The following CRTC3 variants were observed in gnomAD, a reference collection of about 807,000 sequenced individuals.
CRTC3 encodes CREB regulated transcription coactivator 3, also known as CREB-regulated transcription coactivator 3.
Under a neutral mutation model 74.5 loss-of-function variants are expected in CRTC3, and 26 were observed. The ratio of observed to expected loss-of-function variants is 0.35; its 90% CI spans 0.26 to 0.48. CRTC3 has a LOEUF of 0.48. Among genes scored for constraint, CRTC3 ranks in the 20% least tolerant of loss-of-function variants. CRTC3 has a pLI of 0.99. For missense variants in CRTC3, 760 were observed against 787.3 expected (o/e 0.97, Z 0.41); for synonymous variants, 377 against 325.8 (o/e 1.16, Z -1.69).
chr15:90,588,469 C>T (rs1967720762), intron 2 of CRTC3, among the ~76,000 whole-genome samples: 1 of 151,734 alleles, frequency 6.6e-6, no homozygotes, highest in African/African-American at 2.4e-5. Flanking sequence ...GCAACTGAGG[C>T]TGAAGGAGCA....
intron 10 of CRTC3, 62 bp downstream of exon 10, chr15:90,626,055 G>A: frequency 2.4e-6 from 3 of 1,237,954 alleles, no homozygotes; most frequent in Non-Finnish European, 3.6e-6. Context: ...CCACCCATGT[G>A]GCCTGTTCAG....
intron 10 of CRTC3, among the ~76,000 whole-genome samples, chr15:90,627,508 C>G (rs1413447213): frequency 6.6e-6 from 1 of 152,086 alleles, no homozygotes; most frequent in African/African-American, 2.4e-5. Context: ...TCCAGTACAG[C>G]CTTTGACACT....
intron 5 of CRTC3, among the ~76,000 whole-genome samples, chr15:90,606,607 A>G (rs1302253391): frequency 6.6e-6 from 1 of 152,200 alleles, no homozygotes; most frequent in Non-Finnish European, 1.5e-5. Flanking sequence ...GAGGCCCTCA[A>G]AGAGTATTTG....
In CRTC3 at chr15:90,644,393, T is replaced by C. The variant is rs1206675145; in HGVS notation, c.*2253T>C. 4.3e-6 allele frequency: 1 copy of C among 230,830 alleles called. No individual in the cohort carries two copies. The allele number at this position is 230,830 out of a possible 1,614,324, so 14.3% of individuals were successfully genotyped here. A position where few individuals can be genotyped will look rare whatever the true frequency, so the allele number is the denominator to read the frequency against. On this transcript the variant is annotated 3_prime_UTR_variant, in exon 15 of 15. Coordinates refer to ENST00000268184, the MANE Select transcript of CRTC3 (RefSeq NM_022769.5). ...AAAACAGAGGTCTCAGCATAGTCAC[T>C]CTTCACATAGTGCCTTACCCATGGG...
intron 12 of CRTC3, 44 bp from the exon 13 acceptor site, chr15:90,638,691 G>A: frequency 1.2e-6 from 2 of 1,611,854 alleles, no homozygotes; most frequent in South Asian, 2.2e-5. Flanking sequence ...TGCTTGTTTT[G>A]CTCTGAGTTC....
chr15:90,629,596 T>A, intron 11 of CRTC3, 64 bp downstream of exon 11: 1 of 1,534,312 alleles, frequency 6.5e-7, no homozygotes, highest in African/African-American at 1.4e-5. Context: ...GGAAGTGCAT[T>A]CCTCCTCTTT....
intron 7 of CRTC3, among the ~76,000 whole-genome samples, chr15:90,616,548 A>G (rs1477926872): frequency 6.6e-6 from 1 of 152,168 alleles, no homozygotes; most frequent in African/African-American, 2.4e-5. Flanking sequence ...GATAGTCATG[A>G]CAGTCACACT....
chr15:90,574,425 C>T (rs1967352633), intron 2 of CRTC3, among the ~76,000 whole-genome samples: 1 of 152,148 alleles, frequency 6.6e-6, no homozygotes, highest in Admixed American at 6.5e-5. Context: ...TTGCAGTGAG[C>T]CGAGATCGCG....
intron 4 of CRTC3, 31 bp from the exon 5 acceptor site, chr15:90,604,354 T>A: frequency 6.3e-7 from 1 of 1,595,234 alleles, no homozygotes; most frequent in Non-Finnish European, 8.6e-7. Flanking sequence ...GATTGACTTC[T>A]TTTCCTTTTA....
chr15:90,541,678 T>G (rs528784619), intron 2 of CRTC3, among the ~76,000 whole-genome samples: 1 of 152,312 alleles, frequency 6.6e-6, no homozygotes, highest in Middle Eastern at 3.4e-3. Context: ...AATTTTGTGC[T>G]ACTTTATTGT....
intron 2 of CRTC3, among the ~76,000 whole-genome samples, chr15:90,570,452 C>A (rs1967236936): frequency 6.6e-6 from 1 of 152,170 alleles, no homozygotes; most frequent in Admixed American, 6.5e-5. Context: ...AGTATGAGCC[C>A]TTACTCTTGA....
At chr15:90,591,395 T>G (rs538528190) in intron 2 of CRTC3, among the ~76,000 whole-genome samples, 1 of 152,170 alleles carries the variant, frequency 6.6e-6, no homozygotes, top group Admixed American at 6.5e-5. Context: ...GCTGGGACTC[T>G]AGACAGGAGC....
chr15:90,546,244 T>C (rs1437142964), intron 2 of CRTC3, among the ~76,000 whole-genome samples: 3 of 152,226 alleles, frequency 2.0e-5, no homozygotes, highest in African/African-American at 7.2e-5. Flanking sequence ...GGTTTGAGGC[T>C]CACTCATTTT....
chr15:90,562,004 A>G (rs185525146), intron 2 of CRTC3, among the ~76,000 whole-genome samples: 29 of 152,260 alleles, frequency 1.9e-4, no homozygotes, highest in African/African-American at 7.0e-4. Flanking sequence ...GCCTCAAGGA[A>G]CTCCCTGGCT....
intron 2 of CRTC3, among the ~76,000 whole-genome samples, chr15:90,547,623 G>A (rs1178558215): frequency 1.3e-5 from 2 of 152,188 alleles, no homozygotes; most frequent in African/African-American, 4.8e-5. Flanking sequence ...CAGTAAAGGG[G>A]TAGCTAGGGT....
chr15:90,644,403 G>A lies in CRTC3; in HGVS notation c.*2263G>A, dbSNP rs1348300774. On this transcript the variant is annotated 3_prime_UTR_variant, in exon 15 of 15. Coordinates refer to ENST00000268184, the MANE Select transcript of CRTC3 (RefSeq NM_022769.5). ...TCTCAGCATAGTCACTCTTCACATA[G>A]TGCCTTACCCATGGGTATCGTCATA... 1 of 230,662 alleles carries A rather than the reference G, an allele frequency of 4.3e-6. No homozygotes were observed. Among genetic ancestry groups the A allele is most frequent in the African/African-American group, 2.2e-5 (1 of 45,190 alleles). The allele number at this position is 230,662 out of a possible 1,614,324, so 14.3% of individuals were successfully genotyped here.
intron 2 of CRTC3, among the ~76,000 whole-genome samples, chr15:90,561,014 C>G: frequency 6.6e-6 from 1 of 152,166 alleles, no homozygotes; most frequent in East Asian, 1.9e-4. Flanking sequence ...AGTGCAGTCC[C>G]TAGAGTGGGG....
At chr15:90,631,114 AATT>A (rs1969023289) in intron 11 of CRTC3, among the ~76,000 whole-genome samples, 1 of 77,338 alleles carries the variant, frequency 1.3e-5, no homozygotes, top group Non-Finnish European at 3.6e-5. Flanking sequence ...CCTCGCCATA[AATT>A]AATGATTTAG....
intron 9 of CRTC3, among the ~76,000 whole-genome samples, chr15:90,621,546 C>T (rs187203218): frequency 6.0e-4 from 92 of 152,314 alleles, no homozygotes; most frequent in Non-Finnish European, 1.1e-3. Context: ...TGGTCTTGAA[C>T]TCCTGACCTC....
Sources: gnomAD v4.1 joint callset for allele counts (sites outside exome capture counted in the v4.1 genomes callset) on GRCh38, gnomAD v4.1.1 for gene constraint, MANE v1.5 for transcripts, NCBI Gene and HGNC (gene_info 2026-07-23, HGNC 2026-07-21) for gene names.